The following ZZEF1 variants were observed in gnomAD, a reference collection of about 807,000 sequenced individuals.
ZZEF1 encodes zinc finger ZZ-type and EF-hand domain-containing protein 1.
A neutral mutation model predicts 342.8 loss-of-function variants in ZZEF1; 157 were observed. The ratio of observed to expected loss-of-function variants is 0.46; its 90% confidence interval spans 0.40 to 0.52. The LOEUF is 0.52. ZZEF1 is among the 20% of genes least tolerant of loss of function. ZZEF1 has a pLI of 0.00. For missense variants in ZZEF1, 3,480 were observed against 3,725.6 expected (o/e 0.93, Z 1.72); for synonymous variants, 1,505 against 1,429.1 (o/e 1.05, Z -1.20).
chr17:4,098,211 C>T lies in ZZEF1; in HGVS notation c.1673-1511G>A, dbSNP rs114471282. Among the ~76,000 whole-genome samples, 753 of 145,996 alleles carry T rather than the reference C, an allele frequency of 5.2e-3. 9 individuals carry two copies. The highest frequency in any genetic ancestry group is 0.018 in the African/African-American group (721 of 39,434). ...TGAGATCTCACCATTGCACTCCAGC[C>T]GGCCTGGGTGACAGAGTGAGACTCC... On this transcript the variant is annotated intron_variant, in intron 9 of 54. Transcript: ENST00000381638.
At chr17:4,062,660 A>G in intron 30 of ZZEF1, 93 bp downstream of exon 30, 1 of 1,361,096 alleles carries the variant, frequency 7.3e-7, no homozygotes, top group East Asian at 2.5e-5. Context: ...TATCCTACAT[A>G]GAAATGATGC....
intron 15 of ZZEF1, among the ~76,000 whole-genome samples, chr17:4,086,258 T>A (rs1430944216): frequency 6.6e-6 from 1 of 151,730 alleles, no homozygotes; most frequent in Non-Finnish European, 1.5e-5. Flanking sequence ...CAAAAGAGCA[T>A]CAGGGGAAAC....
chr17:4,111,736 T>C lies in ZZEF1; in HGVS notation c.1066+873A>G, dbSNP rs114573757. Among the ~76,000 whole-genome samples the C allele has an allele frequency of 3.9e-3, 557 of 142,004 alleles. 8 individuals are homozygous for C. The highest frequency in any genetic ancestry group is 0.014 in the African/African-American group (527 of 38,224). 93.2% of individuals were successfully genotyped at this position (142,004 alleles called of 152,430 possible). A position where few individuals can be genotyped will look rare whatever the true frequency, so the allele number is the denominator to read the frequency against. On this transcript the variant is annotated intron_variant, in intron 5 of 54. Coordinates refer to ENST00000381638, the MANE Select transcript of ZZEF1 (RefSeq NM_015113.4). ...ATATATAAATATGTATAAACATATATAAAAACATATTTTATATATATGTTT... is the reference window on the plus strand; with the variant it reads ...ATATATAAATATGTATAAACATATACAAAAACATATTTTATATATATGTTT...
chr17:4,018,100 G>C (rs192985929), intron 46 of ZZEF1, 129 bp from the exon 47 acceptor site: 1 of 1,244,342 alleles, frequency 8.0e-7, no homozygotes, highest in Non-Finnish European at 1.1e-6. Context: ...ATCATATTCC[G>C]TGTTTTGCCA....
intron 3 of ZZEF1, among the ~76,000 whole-genome samples, chr17:4,115,327 A>G (rs1163967726): frequency 6.6e-6 from 1 of 152,146 alleles, no homozygotes; most frequent in African/African-American, 2.4e-5. Context: ...GTGCCTGGCC[A>G]TGTGCTTTTT....
In ZZEF1 at chr17:4,058,277, T is replaced by C. The variant is rs1479695952; in HGVS notation, c.5004-122A>G. 13 of 1,056,858 alleles carry C rather than the reference T, an allele frequency of 1.2e-5. No individual in the cohort carries two copies. In the Middle Eastern group the frequency reaches 9.5e-4, roughly 77 times the overall value. 65.5% of individuals were successfully genotyped at this position (1,056,858 alleles called of 1,614,324 possible). On this transcript the variant is annotated intron_variant, in intron 31 of 54. Transcript: ENST00000381638. ...CAGAAGGGAACTTCACATTGCTGGT[T>C]TGGGTTCCTTTCAAATTCCTCATAC... is the stretch of plus-strand genomic sequence containing the variant.
intron 52 of ZZEF1, among the ~76,000 whole-genome samples, chr17:4,011,142 C>G (rs954883046): frequency 2.0e-5 from 3 of 151,810 alleles, no homozygotes; most frequent in Admixed American, 6.6e-5. Flanking sequence ...TGGCTCATAC[C>G]TACAATCTCA....
Position 4,034,259 on chromosome 17 carries a change from C to G in ZZEF1, c.6340G>C (p.Val2114Leu), listed in dbSNP as rs775493681. The G allele has an allele frequency of 1.2e-6, 2 of 1,614,174 alleles. No individual in the cohort carries two copies. The highest frequency in any genetic ancestry group is 1.7e-6 in the Non-Finnish European group (2 of 1,180,032). Residue 2114 changes from valine to leucine, a missense_variant, in exon 40 of 55, where the codon GTC (valine) becomes CTC (leucine). Val to Leu is a conservative substitution (Grantham distance 32). Coordinates refer to ENST00000381638, the MANE Select transcript of ZZEF1 (RefSeq NM_015113.4). Reference sequence around the variant, plus strand: ...ACAACCTGAAACATGAGTGGAAGGACGTGCTCCAGGTCTATCAGGGGAACC... The same window carrying G: ...ACAACCTGAAACATGAGTGGAAGGAGGTGCTCCAGGTCTATCAGGGGAACC... ...PTVPLIDLEH[V>L]LPLMFQVVIS...
intron 26 of ZZEF1, among the ~76,000 whole-genome samples, chr17:4,068,598 A>G (rs2057449031): frequency 1.3e-5 from 2 of 152,194 alleles, no homozygotes; most frequent in African/African-American, 4.8e-5. Flanking sequence ...TAACAAAAAA[A>G]ATTTTTAAAG....
At chr17:4,045,068 C>T (rs566485681) in intron 37 of ZZEF1, among the ~76,000 whole-genome samples, 6 of 152,168 alleles carry the variant, frequency 3.9e-5, no homozygotes, top group South Asian at 2.1e-4. Flanking sequence ...GCAGGAGAAT[C>T]GCTTCAACCC....
chr17:4,013,170 T>C (rs113876205), intron 52 of ZZEF1, among the ~76,000 whole-genome samples: 4,375 of 151,782 alleles, frequency 0.029, 139 homozygotes, highest in African/African-American at 0.085. Flanking sequence ...CCTTCTATCA[T>C]ACACTCAAAT....
At position 4,059,163 on chromosome 17, in the gene ZZEF1, T is replaced by C. The variant is rs768044053; in HGVS notation, c.5003+8A>G. On this transcript the variant is annotated splice_region_variant and intron_variant, in intron 31 of 54. Transcript: ENST00000381638. ...TTTTTCTCTAGAAATGATAAAGTTA[T>C]CCAGTACCTGTCATTTAGGCTACTA... 4.4e-6 allele frequency: 7 copies of C among 1,576,226 alleles called. No individual in the cohort carries two copies. Among genetic ancestry groups the C allele is most frequent in the Non-Finnish European group, 8.5e-7 (1 of 1,170,568 alleles).
At chr17:4,109,279 G>A (rs1360468426) in intron 6 of ZZEF1, among the ~76,000 whole-genome samples, 3 of 152,048 alleles carry the variant, frequency 2.0e-5, no homozygotes, top group Non-Finnish European at 4.4e-5. Flanking sequence ...GCATCTGAAA[G>A]GGCTTTATCC....
Position 4,016,549 on chromosome 17 carries a change from C to T in ZZEF1, c.8002-83G>A. Reference sequence around the variant, plus strand: ...CAGTTTACTTCAACCCAAGCTCCACCCAAAGGTGCTGGCATCATCTTAGAC... The same window carrying T: ...CAGTTTACTTCAACCCAAGCTCCACTCAAAGGTGCTGGCATCATCTTAGAC... On this transcript the variant is annotated intron_variant, in intron 48 of 54. Coordinates refer to ENST00000381638, the MANE Select transcript of ZZEF1 (RefSeq NM_015113.4). The surrounding 1 kb of genome is among the most constrained non-coding windows in gnomAD (Gnocchi z 4.4). 6.7e-7 allele frequency: 1 copy of T among 1,500,614 alleles called. No homozygotes were observed. Among genetic ancestry groups the T allele is most frequent in the East Asian group, 2.3e-5 (1 of 43,660 alleles). The allele number at this position is 1,500,614 out of a possible 1,614,324, so 93.0% of individuals were successfully genotyped here.
At chr17:4,125,671 G>C (rs183789831) in intron 1 of ZZEF1, among the ~76,000 whole-genome samples, 15 of 152,260 alleles carry the variant, frequency 9.9e-5, no homozygotes, top group Non-Finnish European at 1.6e-4. Flanking sequence ...AATCAAGAAA[G>C]GTGAGTTTGG....
intron 37 of ZZEF1, among the ~76,000 whole-genome samples, chr17:4,044,708 A>C (rs201824096): frequency 1.3e-5 from 2 of 151,766 alleles, no homozygotes; most frequent in East Asian, 3.9e-4. Context: ...TAGTAGAGAC[A>C]GGGTTTCACC....
intron 46 of ZZEF1, 127 bp from the exon 47 acceptor site, chr17:4,018,098 C>T: frequency 8.0e-7 from 1 of 1,244,336 alleles, no homozygotes; most frequent in Non-Finnish European, 1.1e-6. Flanking sequence ...TTATCATATT[C>T]CGTGTTTTGC....
chr17:4,112,095 T>TATATATATATATATATATATA (rs1268146017), intron 5 of ZZEF1, among the ~76,000 whole-genome samples: 1 of 88,140 alleles, frequency 1.1e-5, no homozygotes, highest in African/African-American at 4.7e-5. Context: ...TATATATATG[T>TATATATATATATATATATATA]TTTGTTTTGT....
intron 1 of ZZEF1, among the ~76,000 whole-genome samples, chr17:4,124,854 C>G (rs11657001): frequency 0.76 from 115,701 of 152,058 alleles, 46,323 homozygotes; most frequent in East Asian, 1. Context: ...TAGCTTGTCT[C>G]TTGCCCATGT....
Sources: gnomAD v4.1 joint callset for allele counts (sites outside exome capture counted in the v4.1 genomes callset) on GRCh38, gnomAD v4.1.1 for gene constraint, Gnocchi (gnomAD v3.1) non-coding constraint, MANE v1.5 for transcripts, NCBI Gene and HGNC (gene_info 2026-07-23, HGNC 2026-07-21) for gene names.